The following ENOX1 variants were observed in gnomAD, a reference collection of about 807,000 sequenced individuals.
ENOX1 encodes the protein ecto-NOX disulfide-thiol exchanger 1.
In ENOX1, 42 loss-of-function variants were observed where a neutral mutation model predicts 82.5. The ratio of observed to expected loss-of-function variants is 0.51; its 90% CI spans 0.40 to 0.66. ENOX1 has a LOEUF of 0.66. Ranked by LOEUF, ENOX1 falls within the 30% of genes least tolerant of loss-of-function variation. The probability of loss-of-function intolerance (pLI) is 0.00; values close to 1 mark genes in which losing one functional copy is unlikely to be tolerated. For synonymous variants in ENOX1, 271 were observed against 282.2 expected, an observed-to-expected ratio of 0.96 and a Z score of 0.40; for missense variants, 608 against 811.6, an observed-to-expected ratio of 0.75 and a Z score of 3.05.
intron 14 of ENOX1, among the ~76,000 whole-genome samples, chr13:43,255,597 A>C (rs1305660183): frequency 1.3e-5 from 2 of 152,178 alleles, no homozygotes; most frequent in Non-Finnish European, 2.9e-5. Context: ...TACAAAGTCA[A>C]TGTACAGAAA....
intron 1 of ENOX1, among the ~76,000 whole-genome samples, chr13:43,777,105 A>AG (rs1951963123): frequency 6.6e-6 from 1 of 151,576 alleles, no homozygotes; most frequent in South Asian, 2.1e-4. Context: ...TTGTTGCCAT[A>AG]CAATGGTCAC....
intron 2 of ENOX1, among the ~76,000 whole-genome samples, chr13:43,512,564 G>T (rs2077407750): frequency 1.3e-5 from 2 of 148,812 alleles, no homozygotes; most frequent in South Asian, 2.1e-4. Context: ...TTACAGAAAA[G>T]AATTAAATGT....
Position 43,696,944 on chromosome 13 carries a change from G to A in ENOX1, c.-284-29400C>T, listed in dbSNP as rs565482854. ...ATGAGGAGTTGCATCTCAGGCAGAGGCAACTGTATAAAGAAAGGCACAGAG... is the reference window on the plus strand; with the variant it reads ...ATGAGGAGTTGCATCTCAGGCAGAGACAACTGTATAAAGAAAGGCACAGAG... On this transcript the variant is annotated intron_variant, in intron 1 of 16. Coordinates refer to ENST00000690772, the MANE Select transcript of ENOX1 (RefSeq NM_001347969.2). Among the ~76,000 whole-genome samples, 3 of 152,100 alleles carry A rather than the reference G, an allele frequency of 2.0e-5. No homozygotes were observed. In the East Asian group the frequency reaches 5.8e-4, roughly 29 times the overall value.
At chr13:43,495,174 T>C (rs1373015705) in intron 2 of ENOX1, among the ~76,000 whole-genome samples, 1 of 152,164 alleles carries the variant, frequency 6.6e-6, no homozygotes, top group Non-Finnish European at 1.5e-5. Context: ...TCAAAGACTA[T>C]CTCTAATTTA....
chr13:43,329,899 G>GA (rs2048328152), intron 9 of ENOX1, among the ~76,000 whole-genome samples: 1 of 152,034 alleles, frequency 6.6e-6, no homozygotes, highest in African/African-American at 2.4e-5. Flanking sequence ...GGGCACACAC[G>GA]AAAAAGGACT....
intron 1 of ENOX1, among the ~76,000 whole-genome samples, chr13:43,768,267 TC>T (rs1363849606): frequency 6.6e-6 from 1 of 152,106 alleles, no homozygotes; most frequent in Non-Finnish European, 1.5e-5. Flanking sequence ...CTCCAAATCT[TC>T]ACCAATCAAA....
chr13:43,344,454 T>C (rs1336993082), intron 9 of ENOX1, 84 bp downstream of exon 9: 8 of 1,119,480 alleles, frequency 7.1e-6, no homozygotes, highest in Non-Finnish European at 1.0e-5. Context: ...ATTGAACTAC[T>C]TACCCCCAAA....
At chr13:43,550,865 G>A (rs1419889325) in intron 2 of ENOX1, among the ~76,000 whole-genome samples, 2 of 152,140 alleles carry the variant, frequency 1.3e-5, no homozygotes, top group East Asian at 3.9e-4. Context: ...CATTACGATA[G>A]CAATTTAGAT....
intron 5 of ENOX1, among the ~76,000 whole-genome samples, chr13:43,378,454 C>A (rs548613964): frequency 6.6e-6 from 1 of 152,252 alleles, no homozygotes; most frequent in Non-Finnish European, 1.5e-5. Flanking sequence ...TAAAACTACA[C>A]TAAGCTAAAG....
intron 6 of ENOX1, among the ~76,000 whole-genome samples, chr13:43,360,357 G>A (rs2050419120): frequency 6.6e-6 from 1 of 151,146 alleles, no homozygotes; most frequent in Admixed American, 6.6e-5. Context: ...CCCAGAAAAG[G>A]GAGGGAAAAA....
chr13:43,251,690 T>C (rs1039916621), intron 14 of ENOX1, among the ~76,000 whole-genome samples: 1 of 152,086 alleles, frequency 6.6e-6, no homozygotes, highest in Non-Finnish European at 1.5e-5. Flanking sequence ...GGCGATAAGA[T>C]AGATGGAGAA....
At chr13:43,473,993 C>G (rs975578405) in intron 3 of ENOX1, among the ~76,000 whole-genome samples, 2 of 152,078 alleles carry the variant, frequency 1.3e-5, no homozygotes, top group African/African-American at 4.8e-5. Flanking sequence ...TTAAAACATC[C>G]TTTTAATAGT....
At position 43,685,871 on chromosome 13, in the gene ENOX1, G is replaced by A. The variant is rs1052890464; in HGVS notation, c.-284-18327C>T. Among the ~76,000 whole-genome samples, 5 of 70,386 alleles carry A rather than the reference G, an allele frequency of 7.1e-5. No homozygotes were observed. The East Asian group carries it at 1.4e-3, about 20-fold the overall frequency. The allele number at this position is 70,386 out of a possible 152,430, so 46.2% of individuals were successfully genotyped here. ...TCACTGCCTTTAGAAATCCCAGAAG[G>A]AAACACACACACACACACACACACA... On this transcript the variant is annotated intron_variant, in intron 1 of 16. Transcript: ENST00000690772.
intron 3 of ENOX1, among the ~76,000 whole-genome samples, chr13:43,429,104 T>C (rs1374609951): frequency 2.6e-5 from 4 of 152,198 alleles, no homozygotes; most frequent in African/African-American, 7.2e-5. Flanking sequence ...ACAATTTGCA[T>C]ACCAGAGGAG....
At chr13:43,743,704 C>T (rs1949876478) in intron 1 of ENOX1, among the ~76,000 whole-genome samples, 2 of 152,174 alleles carry the variant, frequency 1.3e-5, no homozygotes, top group African/African-American at 4.8e-5. Flanking sequence ...GAAGATCTCT[C>T]TTTCTGCGTA....
intron 1 of ENOX1, among the ~76,000 whole-genome samples, chr13:43,772,975 T>C (rs1339863654): frequency 1.3e-5 from 2 of 152,174 alleles, no homozygotes; most frequent in African/African-American, 2.4e-5. Context: ...AAGAGGATTT[T>C]GTCCCCCTTA....
At chr13:43,481,878 A>T (rs1401042341) in intron 3 of ENOX1, among the ~76,000 whole-genome samples, 1 of 152,212 alleles carries the variant, frequency 6.6e-6, no homozygotes, top group East Asian at 1.9e-4. Context: ...TCCCAAGAAG[A>T]CATACAAATG....
At chr13:43,726,929 A>G (rs2153820407) in intron 1 of ENOX1, among the ~76,000 whole-genome samples, 2 of 152,110 alleles carry the variant, frequency 1.3e-5, no homozygotes, top group Admixed American at 1.3e-4. Context: ...TTTAACGGAG[A>G]TGGGGTTTCA....
chr13:43,771,334 C>CT (rs1566907157), intron 1 of ENOX1, among the ~76,000 whole-genome samples: 1 of 152,184 alleles, frequency 6.6e-6, no homozygotes, highest in Non-Finnish European at 1.5e-5. Flanking sequence ...GTATCCACAT[C>CT]TTTTTTTGTG....
Sources: allele counts gnomAD v4.1 joint callset (sites outside exome capture counted in the v4.1 genomes callset), GRCh38; gene constraint gnomAD v4.1.1; transcripts MANE v1.5; gene names NCBI Gene and HGNC (gene_info 2026-07-23, HGNC 2026-07-21).